The following PPP6R2 variants were observed in gnomAD, a reference collection of about 807,000 sequenced individuals.
PPP6R2 encodes protein phosphatase 6 regulatory subunit 2.
Under a neutral mutation model 100.2 loss-of-function variants are expected in PPP6R2, and 62 were observed. That is an observed-to-expected ratio of 0.62 (90% CI 0.50 to 0.76). The LOEUF (loss-of-function observed/expected upper bound fraction) is 0.76, where lower values mean the gene tolerates loss of function less well. Among genes scored for constraint, PPP6R2 ranks in the 30% least tolerant of loss-of-function variants. The pLI is 0.00. For synonymous variants in PPP6R2, 525 were observed against 514.7 expected (o/e 1.02, Z -0.27); for missense variants, 1,142 against 1,276.3 (o/e 0.89, Z 1.60).
chr22:50,338,434 G>A (rs1285614478), upstream of PPP6R2, among the ~76,000 whole-genome samples: 1 of 146,876 alleles, frequency 6.8e-6, no homozygotes, highest in Non-Finnish European at 1.5e-5. Flanking sequence ...TGTGTGGTGT[G>A]TGTAGAGTGT....
chr22:50,418,995 C>G lies in PPP6R2; in HGVS notation c.731+16C>G. ...CGCTGGAGTCGTGAGTGCTGGTGGG[C>G]CGTGGTGCTGGTGGGCCTCCCTTTC... is the stretch of plus-strand genomic sequence containing the variant. On this transcript the variant is annotated intron_variant, in intron 7 of 23. Transcript: ENST00000612753. The G allele has an allele frequency of 6.3e-7, 1 of 1,594,450 alleles. No individual in the cohort carries two copies.
intron 4 of PPP6R2, among the ~76,000 whole-genome samples, chr22:50,413,906 C>T (rs2060116816): frequency 6.6e-6 from 1 of 152,222 alleles, no homozygotes; most frequent in Admixed American, 6.5e-5. Flanking sequence ...CGAGCCCAGC[C>T]TTCACTTCTC....
intron 8 of PPP6R2, among the ~76,000 whole-genome samples, chr22:50,420,170 C>T (rs184203003): frequency 3.9e-5 from 6 of 152,250 alleles, no homozygotes; most frequent in Admixed American, 2.6e-4. Context: ...CCCAGTGCCT[C>T]GGGGCTCACA....
At position 50,439,853 on chromosome 22, in the gene PPP6R2, T is replaced by A. The variant is rs1460668270; in HGVS notation, c.2281T>A (p.Cys761Ser). The change falls in exon 20 of 24, where the codon TGC (cysteine) becomes AGC (serine). Residue 761 changes from cysteine to serine, a missense_variant. By Grantham distance (112) the Cys-to-Ser change is moderately radical. Transcript: ENST00000612753. ...CAAGTTCACTGACTTCCAACCTTTC[T>A]GCTGGTAACAAATGCGCTGGCAGGA... ...WAKFTDFQPFCCSESGPRCSS... is the reference protein window; with the variant it reads ...WAKFTDFQPFSCSESGPRCSS... The A allele has an allele frequency of 1.2e-6, 2 of 1,612,620 alleles. No homozygotes were observed. Among genetic ancestry groups the A allele is most frequent in the African/African-American group, 2.7e-5 (2 of 75,064 alleles).
rs543099749 is a variant in PPP6R2, at chr22:50,426,265, G to A, written c.1125+2651G>A. Among the ~76,000 whole-genome samples, 11 of 152,272 alleles carry A rather than the reference G, an allele frequency of 7.2e-5. No homozygotes were observed. The South Asian group carries it at 2.3e-3, about 32-fold the overall frequency. ...ACCAGCCACCCAGCCTTTACTCCTT[G>A]ATAATGACCTTTGACACACAAGTTT... is the stretch of plus-strand genomic sequence containing the variant. On this transcript the variant is annotated intron_variant, in intron 10 of 23. Transcript: ENST00000612753.
At chr22:50,392,340 GAA>G (rs34539629) in intron 2 of PPP6R2, among the ~76,000 whole-genome samples, 20,035 of 117,498 alleles carry the variant, frequency 0.17, 1,542 homozygotes, top group East Asian at 0.4. Flanking sequence ...TGTCTCTACA[GAA>G]AAAAAAAAAA....
intron 1 of PPP6R2, among the ~76,000 whole-genome samples, chr22:50,354,551 C>T (rs1436185132): frequency 6.6e-6 from 1 of 151,898 alleles, no homozygotes; most frequent in African/African-American, 2.4e-5. Flanking sequence ...TGTAGGTGGG[C>T]ACGGCGCCTC....
chr22:50,337,975 T>C, the PPP6R2 span, among the ~76,000 whole-genome samples: 12 of 136,446 alleles, frequency 8.8e-5, no homozygotes, highest in East Asian at 2.8e-3. Context: ...TGGGTGTGTG[T>C]GCTGTGTAGG....
intron 8 of PPP6R2, among the ~76,000 whole-genome samples, 161 bp downstream of exon 8, chr22:50,419,623 C>CT (rs2061029748): frequency 6.6e-6 from 1 of 152,224 alleles, no homozygotes; most frequent in African/African-American, 2.4e-5. Flanking sequence ...GACTTTATGG[C>CT]TGTGGCCAAG....
At chr22:50,419,883 G>A (rs1490316672) in intron 8 of PPP6R2, among the ~76,000 whole-genome samples, 1 of 152,230 alleles carries the variant, frequency 6.6e-6, no homozygotes, top group Non-Finnish European at 1.5e-5. Flanking sequence ...CAGGGCAGGG[G>A]TGTGACACTC....
intron 2 of PPP6R2, among the ~76,000 whole-genome samples, chr22:50,386,821 G>A (rs751005204): frequency 6.6e-6 from 1 of 152,092 alleles, no homozygotes; most frequent in Non-Finnish European, 1.5e-5. Context: ...TGTAAGGAGG[G>A]TTGGAAAAGT....
At chr22:50,373,761 T>A (rs2050825513) in intron 2 of PPP6R2, among the ~76,000 whole-genome samples, 1 of 151,674 alleles carries the variant, frequency 6.6e-6, no homozygotes, top group Non-Finnish European at 1.5e-5. Context: ...TGAGACAGAG[T>A]CTTGCTCTGT....
At chr22:50,399,851 C>T (rs889023040) in intron 3 of PPP6R2, among the ~76,000 whole-genome samples, 2 of 152,222 alleles carry the variant, frequency 1.3e-5, no homozygotes, top group Non-Finnish European at 2.9e-5. Context: ...CAGCAGAGGG[C>T]GCCACCCCAG....
intron 1 of PPP6R2, among the ~76,000 whole-genome samples, chr22:50,354,537 C>T (rs113554100): frequency 3.3e-5 from 5 of 151,738 alleles, no homozygotes; most frequent in African/African-American, 1.2e-4. Context: ...GGAACACAAA[C>T]ATTTGTAGGT....
At chr22:50,389,451 C>G (rs1417438931) in intron 2 of PPP6R2, among the ~76,000 whole-genome samples, 1 of 151,980 alleles carries the variant, frequency 6.6e-6, no homozygotes, top group Non-Finnish European at 1.5e-5. Context: ...AGTAAATGTT[C>G]TGGAGTCAGT....
At chr22:50,335,218 ATTTTTTTT>A in the PPP6R2 span, among the ~76,000 whole-genome samples, 4 of 101,658 alleles carry the variant, frequency 3.9e-5, no homozygotes, top group African/African-American at 6.7e-5. Flanking sequence ...CACCCGGCTA[ATTTTTTTT>A]TTTTTTTTTT....
intron 1 of PPP6R2, among the ~76,000 whole-genome samples, chr22:50,354,305 AAAAT>A (rs1159632777): frequency 3.3e-5 from 5 of 152,144 alleles, no homozygotes; most frequent in Admixed American, 2.0e-4. Context: ...ACTTTGTCTC[AAAAT>A]AAATAAATAA....
At position 50,394,245 on chromosome 22, in the gene PPP6R2, G is replaced by A. The variant is rs182998009; in HGVS notation, c.227+110G>A. 5.8e-4 allele frequency: 863 copies of A among 1,483,234 alleles called. 1 individual carries two copies. Among genetic ancestry groups the A allele is most frequent in the Middle Eastern group, 7.4e-4 (3 of 4,050 alleles). The allele number at this position is 1,483,234 out of a possible 1,614,324, so 91.9% of individuals were successfully genotyped here. A position where few individuals can be genotyped will look rare whatever the true frequency, so the allele number is the denominator to read the frequency against. On this transcript the variant is annotated intron_variant, in intron 3 of 23. Transcript: ENST00000612753. ...GGGATTTCTGATGAAGAAGCGAGCC[G>A]TAAAAATCCACCCCATGTGAGAAGT...
Position 50,438,800 on chromosome 22 carries a change from G to A in PPP6R2, c.2128+38G>A, listed in dbSNP as rs562934210. 78 of 1,549,430 alleles carry A rather than the reference G, an allele frequency of 5.0e-5. No homozygotes were observed. The Admixed American group carries it at 5.7e-4, about 11-fold the overall frequency. On this transcript the variant is annotated intron_variant, in intron 19 of 23. Coordinates refer to ENST00000612753, the MANE Select transcript of PPP6R2 (RefSeq NM_001242898.2). ...GCCAGGGGCTGGGAGTGTGGGTATC[G>A]GGGACAGGACATGGTACCCCGGCCT...
Sources: gnomAD v4.1 joint callset for allele counts (sites outside exome capture counted in the v4.1 genomes callset) on GRCh38, gnomAD v4.1.1 for gene constraint, MANE v1.5 for transcripts, NCBI Gene and HGNC (gene_info 2026-07-23, HGNC 2026-07-21) for gene names.